UBE2QL1: variants seen among roughly 807,000 people sequenced by gnomAD.
UBE2QL1 encodes the protein ubiquitin conjugating enzyme E2 QL1.
UBE2QL1 carries 5 observed loss-of-function variants against 12.6 expected under a neutral mutation model. The ratio of observed to expected loss-of-function variants is 0.40; its 90% CI spans 0.21 to 0.83. UBE2QL1 has a LOEUF of 0.83. UBE2QL1 is among the 40% of genes least tolerant of loss of function. The pLI, the probability that UBE2QL1 is intolerant of heterozygous loss-of-function variation, is 0.37. For synonymous variants in UBE2QL1, 96 were observed against 94.5 expected, an observed-to-expected ratio of 1.02 and a Z score of -0.10; for missense variants, 99 against 222.6, an observed-to-expected ratio of 0.44 and a Z score of 3.53.
intron 1 of UBE2QL1, among the ~76,000 whole-genome samples, chr5:6,467,172 T>C (rs1471546476): frequency 6.6e-6 from 1 of 152,042 alleles, no homozygotes; most frequent in Non-Finnish European, 1.5e-5. Flanking sequence ...TCTGCCTCCC[T>C]CCCTCCCTGC....
At chr5:6,473,975 G>A (rs1734156805) in intron 1 of UBE2QL1, among the ~76,000 whole-genome samples, 1 of 152,174 alleles carries the variant, frequency 6.6e-6, no homozygotes, top group African/African-American at 2.4e-5. Flanking sequence ...CTGATTTAGT[G>A]CCTTCCACAG....
chr5:6,466,423 G>A (rs971452526), intron 1 of UBE2QL1, among the ~76,000 whole-genome samples: 29 of 152,206 alleles, frequency 1.9e-4, no homozygotes, highest in Admixed American at 3.9e-4. Flanking sequence ...GCTGTGGCCC[G>A]TGGGCCTCCT....
intron 1 of UBE2QL1, among the ~76,000 whole-genome samples, chr5:6,466,030 C>G (rs1015494551): frequency 8.5e-5 from 13 of 152,130 alleles, no homozygotes; most frequent in Non-Finnish European, 1.9e-4. Context: ...TCTATCCTCC[C>G]TTCCTGCCCC....
chr5:6,449,101 C>A lies in UBE2QL1; in HGVS notation c.208C>A (p.Arg70=), dbSNP rs1243995457. Residue 70 remains arginine, a synonymous_variant, in exon 1 of 2, where the codon CGG becomes AGG. Coordinates refer to ENST00000399816, the MANE Select transcript of UBE2QL1 (RefSeq NM_001145161.3). ...CTTCCCCTTCTCGCCGCCCTTCATGCGGGTGCTCAGCCCGCGCCTGGAGAA... is the reference window on the plus strand; with the variant it reads ...CTTCCCCTTCTCGCCGCCCTTCATGAGGGTGCTCAGCCCGCGCCTGGAGAA... ...DNFPFSPPFM[R]VLSPRLENGY... is the part of the protein sequence containing the mutation. 1 of 1,547,682 alleles carries A rather than the reference C, an allele frequency of 6.5e-7. No homozygotes were observed.
At chr5:6,455,948 G>C (rs895359148) in intron 1 of UBE2QL1, among the ~76,000 whole-genome samples, 4 of 152,200 alleles carry the variant, frequency 2.6e-5, no homozygotes, top group Non-Finnish European at 5.9e-5. Flanking sequence ...TAGACTACGA[G>C]GGAGTGTAAA....
chr5:6,450,386 G>A (rs1290685906), intron 1 of UBE2QL1, among the ~76,000 whole-genome samples: 1 of 152,206 alleles, frequency 6.6e-6, no homozygotes, highest in Non-Finnish European at 1.5e-5. Context: ...GGGTGAGTGC[G>A]TGATGGTGTT....
chr5:6,470,551 T>C (rs1739890637), intron 1 of UBE2QL1, among the ~76,000 whole-genome samples: 1 of 152,104 alleles, frequency 6.6e-6, no homozygotes, highest in South Asian at 2.1e-4. Context: ...TCCACAGGCA[T>C]ACATGATTTT....
intron 1 of UBE2QL1, among the ~76,000 whole-genome samples, chr5:6,460,247 C>T (rs866533395): frequency 1.4e-4 from 22 of 152,320 alleles, no homozygotes; most frequent in South Asian, 4.1e-4. Context: ...AACCCAACTG[C>T]TCACATGAAT....
chr5:6,471,979 A>G (rs982072369), intron 1 of UBE2QL1, among the ~76,000 whole-genome samples: 1 of 152,044 alleles, frequency 6.6e-6, no homozygotes, highest in Non-Finnish European at 1.5e-5. Context: ...TGCAAGGCCC[A>G]TGGGAGCCCA....
chr5:6,455,544 T>C (rs534562331), intron 1 of UBE2QL1, among the ~76,000 whole-genome samples: 3 of 152,272 alleles, frequency 2.0e-5, no homozygotes, highest in South Asian at 2.1e-4. Context: ...TTCCCAACCC[T>C]GGCAGCACAT....
At chr5:6,477,094 AC>A (rs1734249227) in intron 1 of UBE2QL1, among the ~76,000 whole-genome samples, 1 of 152,172 alleles carries the variant, frequency 6.6e-6, no homozygotes, top group South Asian at 2.1e-4. Context: ...CCCCATGCCT[AC>A]ACCAGCGCCC....
chr5:6,478,372 C>T lies in UBE2QL1; in HGVS notation c.355-12846C>T, dbSNP rs553045621. 6.6e-5 allele frequency among the ~76,000 whole-genome samples: 10 copies of T among 152,312 alleles called. No individual in the cohort carries two copies. The South Asian group carries it at 1.2e-3, about 19-fold the overall frequency. On this transcript the variant is annotated intron_variant, in intron 1 of 1. Transcript: ENST00000399816. The surrounding 1 kb of genome is among the most constrained non-coding windows in gnomAD (Gnocchi z 4.5). ...ACAGCCGTGAACTGCCACCATCAAGCGCAAAGCCTCCCTGAAGCCACCTCA... is the reference window on the plus strand; with the variant it reads ...ACAGCCGTGAACTGCCACCATCAAGTGCAAAGCCTCCCTGAAGCCACCTCA...
intron 1 of UBE2QL1, among the ~76,000 whole-genome samples, chr5:6,474,571 A>C (rs535714691): frequency 1.3e-5 from 2 of 152,252 alleles, no homozygotes; most frequent in Non-Finnish European, 2.9e-5. Context: ...GGTGAGAATT[A>C]GATGACATAA....
chr5:6,465,617 G>T (rs1005007363), intron 1 of UBE2QL1, among the ~76,000 whole-genome samples: 1 of 152,162 alleles, frequency 6.6e-6, no homozygotes, highest in African/African-American at 2.4e-5. Context: ...AGGGACTCTT[G>T]GGGGGGCTCT....
At chr5:6,488,785 C>T (rs1734512247) in intron 1 of UBE2QL1, among the ~76,000 whole-genome samples, 1 of 145,208 alleles carries the variant, frequency 6.9e-6, no homozygotes, top group South Asian at 2.2e-4. Context: ...GGATGGATGA[C>T]AGAGTGAGAC....
chr5:6,461,810 A>G (rs750725754), intron 1 of UBE2QL1, among the ~76,000 whole-genome samples: 20 of 152,156 alleles, frequency 1.3e-4, no homozygotes, highest in Non-Finnish European at 2.6e-4. Flanking sequence ...CGATCACCCT[A>G]TCCTGAGAAA....
chr5:6,456,108 G>C (rs1739517594), intron 1 of UBE2QL1, among the ~76,000 whole-genome samples: 2 of 152,176 alleles, frequency 1.3e-5, no homozygotes, highest in Admixed American at 6.6e-5. Context: ...AACTTCCTAG[G>C]CATCATTGGG....
chr5:6,474,887 C>A (rs1734198534), intron 1 of UBE2QL1, among the ~76,000 whole-genome samples: 2 of 152,166 alleles, frequency 1.3e-5, no homozygotes, highest in Admixed American at 1.3e-4. Flanking sequence ...ACCTCCAGCA[C>A]CTGACAGCTG....
At chr5:6,464,112 A>G (rs1739734420) in intron 1 of UBE2QL1, among the ~76,000 whole-genome samples, 1 of 152,190 alleles carries the variant, frequency 6.6e-6, no homozygotes, top group Non-Finnish European at 1.5e-5. Flanking sequence ...TTAAAAACAC[A>G]AACACAAATA....
Sources: allele counts gnomAD v4.1 joint callset (sites outside exome capture counted in the v4.1 genomes callset), GRCh38; gene constraint gnomAD v4.1.1; non-coding constraint Gnocchi (gnomAD v3.1); transcripts MANE v1.5; gene names NCBI Gene and HGNC (gene_info 2026-07-23, HGNC 2026-07-21).